Variants in ADD1 observed in about 807,000 individuals in gnomAD.
The protein encoded by ADD1 is adducin 1.
ADD1 carries 24 observed loss-of-function variants against 80.5 expected under a neutral mutation model. The ratio of observed to expected loss-of-function variants is 0.30; its 90% confidence interval spans 0.22 to 0.42. The LOEUF is 0.42. Ranked by LOEUF, ADD1 falls within the 10% of genes least tolerant of loss-of-function variation. ADD1 has a pLI of 1.00. For missense variants in ADD1, 948 were observed against 1,019.0 expected (o/e 0.93, Z 0.95); for synonymous variants, 373 against 393.8 (o/e 0.95, Z 0.63).
At chr4:2,858,912 G>T (rs1298941104) in intron 1 of ADD1, among the ~76,000 whole-genome samples, 1 of 152,126 alleles carries the variant, frequency 6.6e-6, no homozygotes, top group Non-Finnish European at 1.5e-5. Context: ...ATTTCTAATT[G>T]CCCCAACAAC....
chr4:2,914,751 A>G (rs895843493), intron 13 of ADD1, 133 bp from the exon 14 acceptor site: 8 of 1,015,080 alleles, frequency 7.9e-6, no homozygotes, highest in Middle Eastern at 3.3e-4. Flanking sequence ...CCTCGGGCCC[A>G]TGGCAGTGCA....
Position 2,881,884 on chromosome 4 carries a change from A to C in ADD1, c.196-14A>C, listed in dbSNP as rs1732412079. 1 of 1,590,796 alleles carries C rather than the reference A, an allele frequency of 6.3e-7. No homozygotes were observed. The highest frequency in any genetic ancestry group is 1.8e-5 in the Admixed American group (1 of 54,298). On this transcript the variant is annotated splice_polypyrimidine_tract_variant and intron_variant, in intron 2 of 15. Transcript: ENST00000683351. Reference sequence around the variant, plus strand: ...AAATAAATGGTATCTCAGTGTTTTAATATTTTTTATTAGGCTTTCTGTGAA... The same window carrying C: ...AAATAAATGGTATCTCAGTGTTTTACTATTTTTTATTAGGCTTTCTGTGAA...
intron 6 of ADD1, 79 bp downstream of exon 6, chr4:2,894,810 T>G: frequency 2.8e-6 from 4 of 1,439,314 alleles, no homozygotes; most frequent in Non-Finnish European, 3.7e-6. Flanking sequence ...TGAATTGCCC[T>G]TGTTGTTTAT....
intron 14 of ADD1, among the ~76,000 whole-genome samples, chr4:2,915,390 C>G (rs969810946): frequency 1.3e-5 from 2 of 152,214 alleles, no homozygotes; most frequent in African/African-American, 4.8e-5. Flanking sequence ...CCTATAATCC[C>G]AGCACTTTGG....
intron 1 of ADD1, among the ~76,000 whole-genome samples, chr4:2,872,149 A>C (rs1201953007): frequency 6.6e-6 from 1 of 152,220 alleles, no homozygotes; most frequent in Non-Finnish European, 1.5e-5. Flanking sequence ...GGAGATGTGG[A>C]GGAAGCAGAT....
In ADD1 at chr4:2,926,226, C is replaced by T; in HGVS notation, c.2047+114C>T. The T allele has an allele frequency of 1.1e-6, 1 of 941,906 alleles. No individual in the cohort carries two copies. Among genetic ancestry groups the T allele is most frequent in the Non-Finnish European group, 1.7e-6 (1 of 585,352 alleles). 58.3% of individuals were successfully genotyped at this position (941,906 alleles called of 1,614,324 possible). On this transcript the variant is annotated intron_variant, in intron 15 of 15. Coordinates refer to ENST00000683351, the MANE Select transcript of ADD1 (RefSeq NM_001354761.2). This position sits in a 1 kb window ranked among gnomAD's most constrained non-coding sequence, Gnocchi z 5.0. ...GCAACACGGAAGTGTGTGCTTGCAT[C>T]AGCGCCAGGACGTGACACCTTTCTC...
chr4:2,888,153 C>T (rs1197683470), intron 4 of ADD1, among the ~76,000 whole-genome samples: 1 of 150,702 alleles, frequency 6.6e-6, no homozygotes, highest in East Asian at 2.0e-4. Context: ...TCTGCCGCCT[C>T]GGTTCAAGTG....
At chr4:2,902,912 G>C (rs931453782) in intron 9 of ADD1, 2 of 152,036 alleles carry the variant, frequency 1.3e-5, no homozygotes, top group Admixed American at 6.6e-5. Context: ...TGTGGTCCCA[G>C]CTATTCAGGA....
intron 13 of ADD1, 54 bp downstream of exon 13, chr4:2,909,485 C>G: frequency 9.1e-7 from 1 of 1,103,092 alleles, no homozygotes; most frequent in Non-Finnish European, 1.2e-6. Context: ...CCCCTCCCCT[C>G]CCCCCTCCCC....
chr4:2,918,683 AT>A (rs1329082236), intron 14 of ADD1, among the ~76,000 whole-genome samples: 1 of 152,166 alleles, frequency 6.6e-6, no homozygotes, highest in East Asian at 1.9e-4. Flanking sequence ...TTTGAGATAC[AT>A]TCCATCAATA....
Position 2,899,042 on chromosome 4 carries a change from C to T in ADD1, c.985-217C>T, listed in dbSNP as rs913110316. 9.0e-6 allele frequency: 5 copies of T among 555,226 alleles called. No individual in the cohort carries two copies. In the East Asian group the frequency reaches 1.6e-4, roughly 17 times the overall value. The allele number at this position is 555,226 out of a possible 1,614,324, so 34.4% of individuals were successfully genotyped here. On this transcript the variant is annotated intron_variant, in intron 8 of 15. Transcript: ENST00000683351. ...GATCCTGAAAGGTGCTGTGTTTTCT[C>T]ATTTCTCTGCCAACTTTGGTGCCCA...
intron 2 of ADD1, among the ~76,000 whole-genome samples, chr4:2,877,629 A>T (rs1731569947): frequency 6.6e-6 from 1 of 151,912 alleles, no homozygotes; most frequent in African/African-American, 2.4e-5. Flanking sequence ...CTCAGGAGGG[A>T]AGGTTTAATC....
At chr4:2,923,674 C>T (rs1740475220) in intron 14 of ADD1, among the ~76,000 whole-genome samples, 1 of 152,266 alleles carries the variant, frequency 6.6e-6, no homozygotes, top group Admixed American at 6.5e-5. Flanking sequence ...CTCCTTTACT[C>T]AGTTTGATTC....
intron 14 of ADD1, among the ~76,000 whole-genome samples, chr4:2,915,456 C>T (rs992277837): frequency 2.0e-4 from 30 of 152,128 alleles, no homozygotes; most frequent in Non-Finnish European, 3.4e-4. Context: ...CTGGCTAATA[C>T]GATGAAACGC....
At chr4:2,924,496 G>A (rs1418870833) in intron 14 of ADD1, among the ~76,000 whole-genome samples, 1 of 152,216 alleles carries the variant, frequency 6.6e-6, no homozygotes, top group African/African-American at 2.4e-5. Context: ...AAACCTCAGT[G>A]TGCTTCTCAG....
chr4:2,848,639 T>A (rs1169145918), intron 1 of ADD1, among the ~76,000 whole-genome samples: 1 of 151,988 alleles, frequency 6.6e-6, no homozygotes, highest in Non-Finnish European at 1.5e-5. Context: ...TGGCTAATTT[T>A]TTTTTTTTTT....
At chr4:2,872,843 A>G (rs1274889022) in intron 1 of ADD1, among the ~76,000 whole-genome samples, 2 of 152,166 alleles carry the variant, frequency 1.3e-5, no homozygotes, top group Non-Finnish European at 2.9e-5. Flanking sequence ...TACAGGCATG[A>G]GCCACCACGC....
intron 13 of ADD1, among the ~76,000 whole-genome samples, chr4:2,909,985 A>C (rs1022841322): frequency 7.5e-6 from 1 of 133,020 alleles, no homozygotes; most frequent in Non-Finnish European, 1.6e-5. Context: ...AAAAAAAAAA[A>C]CCCTAAATAA....
intron 10 of ADD1, 68 bp from the exon 11 acceptor site, chr4:2,907,675 A>G (rs1352204095): frequency 2.3e-6 from 3 of 1,300,042 alleles, no homozygotes; most frequent in Non-Finnish European, 3.3e-6. Flanking sequence ...GATAAACTGA[A>G]TAGATTGGAT....
Sources: gnomAD v4.1 joint callset for allele counts (sites outside exome capture counted in the v4.1 genomes callset) on GRCh38, gnomAD v4.1.1 for gene constraint, Gnocchi (gnomAD v3.1) non-coding constraint, MANE v1.5 for transcripts, NCBI Gene and HGNC (gene_info 2026-07-23, HGNC 2026-07-21) for gene names.